Variants in ASTN2 observed in about 807,000 individuals in gnomAD.
ASTN2 encodes the protein astrotactin-2.
ASTN2 carries 54 observed loss-of-function variants against 139.8 expected under a neutral mutation model. The observed-to-expected ratio is 0.39, with a 90% CI of 0.31 to 0.48. The LOEUF (loss-of-function observed/expected upper bound fraction) is 0.48. Among genes scored for constraint, ASTN2 ranks in the 20% least tolerant of loss-of-function variants. ASTN2 has a pLI of 0.95. For missense variants in ASTN2, 1,565 were observed against 1,725.1 expected (o/e 0.91, Z 1.64); for synonymous variants, 756 against 719.5 (o/e 1.05, Z -0.81).
intron 19 of ASTN2, among the ~76,000 whole-genome samples, chr9:116,544,603 T>G (rs1852013730): frequency 1.3e-5 from 2 of 152,210 alleles, no homozygotes; most frequent in South Asian, 4.1e-4. Context: ...TTACATATTT[T>G]TATTCATGAG....
At chr9:117,173,808 C>A in intron 3 of ASTN2, among the ~76,000 whole-genome samples, 1 of 150,542 alleles carries the variant, frequency 6.6e-6, no homozygotes. Flanking sequence ...AAAAGAATGG[C>A]AATAATAATA....
chr9:116,766,922 CAT>C (rs779484870), intron 13 of ASTN2, among the ~76,000 whole-genome samples: 2 of 151,778 alleles, frequency 1.3e-5, no homozygotes, highest in Non-Finnish European at 2.9e-5. Flanking sequence ...CATACTTACA[CAT>C]AAACACACAC....
At chr9:116,573,186 T>C (rs1265052782) in intron 19 of ASTN2, among the ~76,000 whole-genome samples, 1 of 152,222 alleles carries the variant, frequency 6.6e-6, no homozygotes, top group Non-Finnish European at 1.5e-5. Flanking sequence ...TGAGTTTTCA[T>C]TGCATTCCTT....
chr9:116,741,932 T>G (rs368645707), intron 13 of ASTN2, among the ~76,000 whole-genome samples: 68 of 152,348 alleles, frequency 4.5e-4, no homozygotes, highest in African/African-American at 1.5e-3. Context: ...TAACCATTCA[T>G]TCGTTCATTC....
At chr9:116,777,525 T>C (rs550772304) in intron 13 of ASTN2, among the ~76,000 whole-genome samples, 1 of 152,216 alleles carries the variant, frequency 6.6e-6, no homozygotes, top group East Asian at 1.9e-4. Context: ...CAAGCATCAG[T>C]TTACATCAAA....
chr9:117,398,197 G>A (rs940784124), intron 1 of ASTN2, among the ~76,000 whole-genome samples: 4 of 152,172 alleles, frequency 2.6e-5, no homozygotes, highest in African/African-American at 9.7e-5. Context: ...GAACATTCTA[G>A]GGGTGGTTTG....
chr9:116,447,681 A>G (rs1360271234), intron 20 of ASTN2, among the ~76,000 whole-genome samples: 1 of 152,212 alleles, frequency 6.6e-6, no homozygotes, highest in Non-Finnish European at 1.5e-5. Flanking sequence ...ATAATATTAA[A>G]ACTCACCATG....
At position 116,729,033 on chromosome 9, in the gene ASTN2, T is replaced by G; in HGVS notation, c.2585A>C (p.Asn862Thr). 1 of 1,581,414 alleles carries G rather than the reference T, an allele frequency of 6.3e-7. No homozygotes were observed. The highest frequency in any genetic ancestry group is 1.2e-5 in the South Asian group (1 of 86,786). The change falls in exon 15 of 23, where the codon AAC becomes ACC. Residue 862 changes from asparagine to threonine, a missense_variant. Physicochemically the swap from Asn to Thr is moderately conservative, Grantham distance 65. Around this residue, in one of 4 missense-constraint regions of ASTN2, gnomAD observed 503 missense variants for 591.7 expected, o/e 0.85. Transcript: ENST00000313400. ...PMVQQWRVRS[N>T]LYRVKLSTIT... ...GGTGCTGAGCTTCACACGGTAGAGG[T>G]TGCTCCGGACCCGCCACTGCTGCAC...
intron 13 of ASTN2, among the ~76,000 whole-genome samples, chr9:116,779,766 T>C (rs1208371538): frequency 1.3e-5 from 2 of 152,210 alleles, no homozygotes; most frequent in Non-Finnish European, 2.9e-5. Context: ...ATGGCCAATA[T>C]CAGGTCAAGG....
chr9:117,108,438 A>AACACACACACACAC (rs3041147), intron 4 of ASTN2, among the ~76,000 whole-genome samples: 1,862 of 145,306 alleles, frequency 0.013, 16 homozygotes, highest in East Asian at 0.034. Flanking sequence ...AACAAAACAA[A>AACACACACACACAC]ACACACACAC....
intron 14 of ASTN2, among the ~76,000 whole-genome samples, chr9:116,730,856 C>T (rs1335941651): frequency 1.3e-5 from 2 of 152,176 alleles, no homozygotes; most frequent in Non-Finnish European, 2.9e-5. Flanking sequence ...CACTCCATCC[C>T]TCACTTCCTT....
intron 6 of ASTN2, among the ~76,000 whole-genome samples, chr9:117,026,995 T>C (rs1838108050): frequency 6.6e-6 from 1 of 152,182 alleles, no homozygotes; most frequent in Admixed American, 6.5e-5. Context: ...TGAGATTCTG[T>C]AGCCCAGACT....
intron 12 of ASTN2, among the ~76,000 whole-genome samples, chr9:116,812,774 G>T (rs1831200869): frequency 6.6e-6 from 1 of 152,094 alleles, no homozygotes; most frequent in South Asian, 2.1e-4. Context: ...CTCAAGACGT[G>T]TGTGTGAATG....
chr9:117,187,403 T>C (rs1292979766), intron 3 of ASTN2, among the ~76,000 whole-genome samples: 3 of 152,096 alleles, frequency 2.0e-5, no homozygotes, highest in Admixed American at 1.3e-4. Context: ...TGATGTGCTA[T>C]GGTTTGAATG....
intron 17 of ASTN2, among the ~76,000 whole-genome samples, chr9:116,633,435 C>T (rs1292332636): frequency 1.3e-5 from 2 of 152,166 alleles, no homozygotes; most frequent in Admixed American, 6.5e-5. Flanking sequence ...CTAAGGGAAA[C>T]CTTTAGCTGA....
At chr9:116,711,047 C>A (rs1828140885) in intron 16 of ASTN2, among the ~76,000 whole-genome samples, 1 of 152,094 alleles carries the variant, frequency 6.6e-6, no homozygotes, top group African/African-American at 2.4e-5. Flanking sequence ...AATGAAACTT[C>A]CATTAATTGA....
At chr9:117,071,481 C>T (rs1426623538) in intron 5 of ASTN2, among the ~76,000 whole-genome samples, 7 of 150,218 alleles carry the variant, frequency 4.7e-5, no homozygotes, top group Admixed American at 1.3e-4. Flanking sequence ...TGTGCCCTGC[C>T]CCCAGAGGTG....
At chr9:117,074,929 C>G (rs760004386) in intron 5 of ASTN2, among the ~76,000 whole-genome samples, 25 of 144,702 alleles carry the variant, frequency 1.7e-4, no homozygotes, top group Admixed American at 9.0e-4. Context: ...GAGTAAGCAG[C>G]GAAGTCATGA....
intron 1 of ASTN2, among the ~76,000 whole-genome samples, chr9:117,382,028 G>C (rs1403746320): frequency 6.6e-6 from 1 of 152,160 alleles, no homozygotes; most frequent in East Asian, 1.9e-4. Flanking sequence ...TAAGTCTAGA[G>C]CTATAGGCAG....
Sources: gnomAD v4.1 joint callset for allele counts (sites outside exome capture counted in the v4.1 genomes callset) on GRCh38, gnomAD v4.1.1 for gene constraint, gnomAD v4.1.1 regional missense constraint, MANE v1.5 for transcripts, NCBI Gene and HGNC (gene_info 2026-07-23, HGNC 2026-07-21) for gene names.